The following SNW1 variants were observed in gnomAD, a reference collection of about 807,000 sequenced individuals.
SNW1 encodes SNW domain-containing protein 1.
Under a neutral mutation model 75.6 loss-of-function variants are expected in SNW1, and 9 were observed. That is an observed-to-expected ratio of 0.12 (90% CI 0.07 to 0.21). The LOEUF (loss-of-function observed/expected upper bound fraction) is 0.21. Among genes scored for constraint, SNW1 ranks in the 10% least tolerant of loss-of-function variants. The probability of loss-of-function intolerance (pLI) is 1.00; values close to 1 mark genes in which losing one functional copy is unlikely to be tolerated. For missense variants in SNW1, 409 were observed against 670.9 expected, an observed-to-expected ratio of 0.61 and a Z score of 4.31; for synonymous variants, 200 against 219.1, an observed-to-expected ratio of 0.91 and a Z score of 0.77.
chr14:77,751,816 ACACACACACACACACACACACACACACAC>A (rs1490503276), intron 2 of SNW1, among the ~76,000 whole-genome samples: 4 of 83,864 alleles, frequency 4.8e-5, no homozygotes, highest in Non-Finnish European at 8.1e-5. Flanking sequence ...ACACACACAC[ACACACACACACACACACACACACACACAC>A]CACACACACA....
intron 3 of SNW1, among the ~76,000 whole-genome samples, chr14:77,740,031 G>T (rs1655250206): frequency 6.6e-6 from 1 of 151,512 alleles, no homozygotes; most frequent in African/African-American, 2.4e-5. Context: ...CTACTCGGGA[G>T]GCTGAGGCAG....
intron 1 of SNW1, chr14:77,760,673 C>G: frequency 2.8e-6 from 2 of 702,336 alleles, no homozygotes; most frequent in Non-Finnish European, 5.2e-6. Flanking sequence ...TTCGGGACAC[C>G]CAGTGGACAG....
In SNW1 at chr14:77,761,153, C is replaced by A. The variant is rs1354316009; in HGVS notation, c.-26G>T. The A allele has an allele frequency of 6.2e-7, 1 of 1,614,098 alleles. No homozygotes were observed. Among genetic ancestry groups the A allele is most frequent in the Non-Finnish European group, 8.5e-7 (1 of 1,180,030 alleles). ...CTTCTTCCGCTTCTTCCAGCGCGAGCGACAGCACCGCTGGGCGGGTCTTTC... is the reference window on the plus strand; with the variant it reads ...CTTCTTCCGCTTCTTCCAGCGCGAGAGACAGCACCGCTGGGCGGGTCTTTC... On this transcript the variant is annotated 5_prime_UTR_variant, in exon 1 of 14. Coordinates refer to ENST00000261531, the MANE Select transcript of SNW1 (RefSeq NM_012245.3).
chr14:77,720,693 C>T lies in SNW1; in HGVS notation c.1248+18G>A, dbSNP rs755837816. ...TATTCACATCAACACACACAATATGCTGTTCCTAAACTTGTACCTTGGATT... is the reference window on the plus strand; with the variant it reads ...TATTCACATCAACACACACAATATGTTGTTCCTAAACTTGTACCTTGGATT... On this transcript the variant is annotated intron_variant, in intron 12 of 13. Coordinates refer to ENST00000261531, the MANE Select transcript of SNW1 (RefSeq NM_012245.3). 36 of 1,468,154 alleles carry T rather than the reference C, an allele frequency of 2.5e-5. No individual in the cohort carries two copies. In the South Asian group the frequency reaches 3.9e-4, roughly 16 times the overall value. 90.9% of individuals were successfully genotyped at this position (1,468,154 alleles called of 1,614,324 possible).
intron 3 of SNW1, among the ~76,000 whole-genome samples, chr14:77,750,466 C>T (rs561956958): frequency 6.6e-6 from 1 of 152,212 alleles, no homozygotes; most frequent in Non-Finnish European, 1.5e-5. Flanking sequence ...TGCATGATTG[C>T]ATAATTGTCT....
At chr14:77,723,318 TATATGTGTGC>T in intron 10 of SNW1, 41 bp from the exon 11 acceptor site, 1 of 1,415,266 alleles carries the variant, frequency 7.1e-7, no homozygotes, top group Non-Finnish European at 1.0e-6. Flanking sequence ...TAATATGTAT[TATATGTGTGC>T]ATACGTGTAC....
In SNW1 at chr14:77,751,358, T is replaced by C; in HGVS notation, c.291A>G (p.Lys97=). The C allele has an allele frequency of 1.2e-6, 2 of 1,613,906 alleles. No homozygotes were observed. The highest frequency in any genetic ancestry group is 1.7e-6 in the Non-Finnish European group (2 of 1,179,916). Residue 97 remains lysine (K), a synonymous_variant, in exon 3 of 14, where the codon AAA becomes AAG. Coordinates refer to ENST00000261531, the MANE Select transcript of SNW1 (RefSeq NM_012245.3). ...AIQVDSEGKI[K]YDAIARQGQS... ...GTCCTTGTCGAGCAATTGCATCATA[T>C]TTAATTTTTCCTTCAGAATCCACCT... is the stretch of plus-strand genomic sequence containing the variant.
intron 3 of SNW1, among the ~76,000 whole-genome samples, chr14:77,748,436 AAATAT>A (rs2080781591): frequency 6.6e-6 from 1 of 150,996 alleles, no homozygotes; most frequent in Admixed American, 6.6e-5. Context: ...TAAATAAATA[AAATAT>A]TTTAGGAAAA....
At chr14:77,726,174 G>T (rs1482765338) in intron 10 of SNW1, among the ~76,000 whole-genome samples, 2 of 152,130 alleles carry the variant, frequency 1.3e-5, no homozygotes, top group Admixed American at 1.3e-4. Context: ...TTTGAAGAAT[G>T]TCATTGGTAT....
chr14:77,756,632 C>T (rs1028626633), intron 1 of SNW1, among the ~76,000 whole-genome samples: 2 of 152,018 alleles, frequency 1.3e-5, no homozygotes, highest in East Asian at 1.9e-4. Flanking sequence ...ACCTGTAATC[C>T]CAGCACTTTG....
chr14:77,758,315 CAAAAAA>C (rs55707854), intron 1 of SNW1, among the ~76,000 whole-genome samples: 9 of 85,836 alleles, frequency 1.0e-4, no homozygotes, highest in African/African-American at 2.5e-4. Context: ...GACTCTGCCA[CAAAAAA>C]AAAAAAAAAA....
chr14:77,718,691 A>G (rs572362065), intron 12 of SNW1, among the ~76,000 whole-genome samples, 161 bp from the exon 13 acceptor site: 9 of 152,200 alleles, frequency 5.9e-5, no homozygotes, highest in African/African-American at 2.2e-4. Context: ...GTAGCACATG[A>G]ACTTCATAAC....
chr14:77,744,191 G>A (rs6574392), intron 3 of SNW1, among the ~76,000 whole-genome samples: 78,671 of 149,720 alleles, frequency 0.53, 21,018 homozygotes, highest in East Asian at 0.68. Context: ...AGCGACTCAC[G>A]CCTATAATCC....
chr14:77,760,842 T>C (rs2080884096), intron 1 of SNW1: 8 of 745,014 alleles, frequency 1.1e-5, no homozygotes, highest in Non-Finnish European at 1.9e-5. Context: ...CGCAAGATGC[T>C]CACGCGAAAA....
At position 77,718,180 on chromosome 14, in the gene SNW1, C is replaced by G. The variant is rs775815232; in HGVS notation, c.1519G>C (p.Glu507Gln). 1.2e-6 allele frequency: 2 copies of G among 1,613,936 alleles called. No individual in the cohort carries two copies. Among genetic ancestry groups the G allele is most frequent in the South Asian group, 1.1e-5 (1 of 91,054 alleles). Residue 507 changes from glutamate (E) to glutamine (Q), a missense_variant, in exon 14 of 14, where the codon GAA (glutamate) becomes CAA (glutamine). Glu to Gln is a conservative substitution (Grantham distance 29). Around this residue, in one of 9 missense-constraint regions of SNW1, gnomAD observed 3 missense variants for 22.8 expected, o/e 0.13. Coordinates refer to ENST00000261531, the MANE Select transcript of SNW1 (RefSeq NM_012245.3). ...DPFGLDKFLEEAKQHGGSKRP... is the reference protein window; with the variant it reads ...DPFGLDKFLEQAKQHGGSKRP... ...TTAGAGCCACCATGCTGTTTGGCTT[C>G]TTCCAAAAACTTGTCCAAACCAAAA...
chr14:77,722,386 C>T (rs2080548592), intron 11 of SNW1: 1 of 362,698 alleles, frequency 2.8e-6, no homozygotes, highest in African/African-American at 2.1e-5. Context: ...TAAACTACTC[C>T]TAAAAATGAG....
chr14:77,720,466 A>G (rs2080530206), intron 12 of SNW1: 1 of 701,246 alleles, frequency 1.4e-6, no homozygotes, highest in Non-Finnish European at 2.6e-6. Flanking sequence ...CAAAAGGTTG[A>G]CATACCACAA....
At chr14:77,754,291 G>T (rs866400196) in intron 2 of SNW1, among the ~76,000 whole-genome samples, 2 of 151,978 alleles carry the variant, frequency 1.3e-5, no homozygotes, top group Non-Finnish European at 2.9e-5. Context: ...TGATCTGCCC[G>T]CCTTGGCCTC....
intron 10 of SNW1, among the ~76,000 whole-genome samples, chr14:77,729,334 C>G (rs1009256100): frequency 6.6e-5 from 10 of 152,152 alleles, no homozygotes; most frequent in African/African-American, 2.4e-4. Flanking sequence ...TCATCCTTAA[C>G]TCCTACTTTT....
Sources: gnomAD v4.1 joint callset for allele counts (sites outside exome capture counted in the v4.1 genomes callset) on GRCh38, gnomAD v4.1.1 for gene constraint, gnomAD v4.1.1 regional missense constraint, MANE v1.5 for transcripts, NCBI Gene and HGNC (gene_info 2026-07-23, HGNC 2026-07-21) for gene names.